Variants in ALK observed in about 807,000 individuals in gnomAD.
ALK encodes the protein ALK tyrosine kinase receptor.
A neutral mutation model predicts 163.1 loss-of-function variants in ALK; 74 were observed. The observed-to-expected ratio is 0.45, with a 90% CI of 0.38 to 0.55. ALK has a LOEUF of 0.55. ALK is among the 20% of genes least tolerant of loss of function. The pLI is 0.00. For synonymous variants in ALK, 960 were observed against 843.2 expected (o/e 1.14, Z -2.40); for missense variants, 2,063 against 2,105.3 (o/e 0.98, Z 0.39).
chr2:29,479,165 T>G (rs1311412074), intron 4 of ALK, among the ~76,000 whole-genome samples: 1 of 152,012 alleles, frequency 6.6e-6, no homozygotes, highest in Non-Finnish European at 1.5e-5. Context: ...TCCCTGAACA[T>G]CTCCCATCTC....
chr2:29,223,413 G>A lies in ALK; in HGVS notation c.3288C>T (p.Tyr1096=), dbSNP rs1361786352. ...STIMTDYNPN[Y]CFAGKTSSIS... is the part of the protein sequence containing the mutation. ...TGGAGGAGGTCTTGCCAGCAAAGCA[G>A]TAGTTGGGGTTGTAGTCGGTCATGA... The change falls in exon 20 of 29, where the codon TAC becomes TAT. Residue 1096 remains tyrosine, a synonymous_variant. Transcript: ENST00000389048. 1.2e-6 allele frequency: 2 copies of A among 1,614,220 alleles called. No homozygotes were observed. The highest frequency in any genetic ancestry group is 1.7e-6 in the Non-Finnish European group (2 of 1,180,050).
intron 3 of ALK, among the ~76,000 whole-genome samples, chr2:29,622,064 T>C (rs549286002): frequency 4.0e-4 from 61 of 152,290 alleles, no homozygotes; most frequent in African/African-American, 1.2e-3. Context: ...TGCTGCTAGT[T>C]TACAGGTTAG....
intron 3 of ALK, among the ~76,000 whole-genome samples, chr2:29,628,281 C>T (rs1188466816): frequency 6.6e-6 from 1 of 152,180 alleles, no homozygotes; most frequent in East Asian, 1.9e-4. Context: ...CTTACATCCT[C>T]CCACAAAACC....
chr2:29,709,898 C>A (rs141685030), intron 2 of ALK, among the ~76,000 whole-genome samples: 1 of 152,202 alleles, frequency 6.6e-6, no homozygotes, highest in African/African-American at 2.4e-5. Flanking sequence ...GGGTATCACA[C>A]ATGCATACAA....
intron 1 of ALK, among the ~76,000 whole-genome samples, chr2:29,864,726 GA>G (rs1355592006): frequency 2.0e-5 from 3 of 152,164 alleles, no homozygotes; most frequent in African/African-American, 7.2e-5. Flanking sequence ...TAAATCTATT[GA>G]ATGGGAGAAA....
At chr2:29,810,282 T>G in intron 1 of ALK, among the ~76,000 whole-genome samples, 1 of 151,022 alleles carries the variant, frequency 6.6e-6, no homozygotes, top group East Asian at 1.9e-4. Context: ...ATCAGCCGAG[T>G]GTGGTGGTGG....
chr2:29,438,832 G>A (rs1670466395), intron 4 of ALK, among the ~76,000 whole-genome samples: 1 of 152,226 alleles, frequency 6.6e-6, no homozygotes, highest in South Asian at 2.1e-4. Context: ...GGTCAATGGA[G>A]TAGGTTACAA....
intron 8 of ALK, among the ~76,000 whole-genome samples, chr2:29,298,408 C>A (rs1364014266): frequency 6.6e-6 from 1 of 152,200 alleles, no homozygotes; most frequent in Non-Finnish European, 1.5e-5. Flanking sequence ...TAACTGTAAA[C>A]CCTTTCAGCT....
intron 3 of ALK, among the ~76,000 whole-genome samples, chr2:29,615,600 A>G (rs1675820563): frequency 6.6e-6 from 1 of 152,174 alleles, no homozygotes; most frequent in Non-Finnish European, 1.5e-5. Flanking sequence ...TACTGTTGTT[A>G]TCAATACTAT....
chr2:29,729,461 T>G lies in ALK; in HGVS notation c.668-11764A>C, dbSNP rs537518313. 4.0e-5 allele frequency among the ~76,000 whole-genome samples: 6 copies of G among 151,264 alleles called. No homozygotes were observed. The South Asian group carries it at 1.3e-3, about 32-fold the overall frequency. Reference sequence around the variant, plus strand: ...GGAAAGAGAAATCATCTGACATTTTTTCACTATCTGGAAGTTACTGGGAGA... The same window carrying G: ...GGAAAGAGAAATCATCTGACATTTTGTCACTATCTGGAAGTTACTGGGAGA... On this transcript the variant is annotated intron_variant, in intron 1 of 28. Coordinates refer to ENST00000389048, the MANE Select transcript of ALK (RefSeq NM_004304.5).
In ALK at chr2:29,193,934, G is replaced by A. The variant is rs757342767; in HGVS notation, c.4165-12C>T. 3 of 1,613,352 alleles carry A rather than the reference G, an allele frequency of 1.9e-6. No homozygotes were observed. The highest frequency in any genetic ancestry group is 4.5e-5 in the East Asian group (2 of 44,886). On this transcript the variant is annotated splice_polypyrimidine_tract_variant and intron_variant, in intron 28 of 28. Coordinates refer to ENST00000389048, the MANE Select transcript of ALK (RefSeq NM_004304.5). Reference sequence around the variant, plus strand: ...ATTACATCCGGGTCCTGCCGTAGGGGAAATTATTAAAACTTTGAATCAGAG... The same window carrying A: ...ATTACATCCGGGTCCTGCCGTAGGGAAAATTATTAAAACTTTGAATCAGAG...
Position 29,476,019 on chromosome 2 carries a change from T to G in ALK, c.1154+55896A>C, listed in dbSNP as rs536473642. On this transcript the variant is annotated intron_variant, in intron 4 of 28. Transcript: ENST00000389048. Reference sequence around the variant, plus strand: ...GGGGCAGGGACAGTGGGGCAGAGACTCAGGCCAGGGAGCAGCCTGCTCCTC... The same window carrying G: ...GGGGCAGGGACAGTGGGGCAGAGACGCAGGCCAGGGAGCAGCCTGCTCCTC... Among the ~76,000 whole-genome samples the G allele has an allele frequency of 4.6e-5, 7 of 152,292 alleles. No individual in the cohort carries two copies. The East Asian group carries it at 1.4e-3, about 29-fold the overall frequency.
intron 5 of ALK, among the ~76,000 whole-genome samples, chr2:29,330,272 G>A (rs112709104): frequency 0.012 from 1,859 of 152,232 alleles, 32 homozygotes; most frequent in African/African-American, 0.042. Context: ...CCCAGAGGGC[G>A]ATGAACATGG....
At chr2:29,589,866 C>T (rs901230823) in intron 3 of ALK, among the ~76,000 whole-genome samples, 2 of 152,208 alleles carry the variant, frequency 1.3e-5, no homozygotes, top group Admixed American at 1.3e-4. Context: ...GTGGGTATCC[C>T]TGTGCCAGGT....
intron 9 of ALK, among the ~76,000 whole-genome samples, chr2:29,287,397 C>T (rs915369321): frequency 4.6e-5 from 7 of 152,192 alleles, no homozygotes; most frequent in East Asian, 3.9e-4. Flanking sequence ...TGCCTAACAT[C>T]TAATGACCAA....
intron 6 of ALK, among the ~76,000 whole-genome samples, chr2:29,326,521 G>A (rs1034945036): frequency 6.6e-6 from 1 of 151,960 alleles, no homozygotes; most frequent in African/African-American, 2.4e-5. Context: ...ACACACACAG[G>A]CCCCTGAACA....
At chr2:29,234,075 C>T (rs1664302517) in intron 13 of ALK, among the ~76,000 whole-genome samples, 1 of 151,814 alleles carries the variant, frequency 6.6e-6, no homozygotes, top group Admixed American at 6.6e-5. Flanking sequence ...GGCATGAGCC[C>T]AGAGGGAAGT....
In ALK at chr2:29,354,768, T is replaced by C. The variant is rs1353053775; in HGVS notation, c.1283-26287A>G. 5.7e-5 allele frequency among the ~76,000 whole-genome samples: 7 copies of C among 122,042 alleles called. No homozygotes were observed. The East Asian group carries it at 6.1e-4, about 11-fold the overall frequency. The allele number at this position is 122,042 out of a possible 152,430, so 80.1% of individuals were successfully genotyped here. A position where few individuals can be genotyped will look rare whatever the true frequency, so the allele number is the denominator to read the frequency against. On this transcript the variant is annotated intron_variant, in intron 5 of 28. Coordinates refer to ENST00000389048, the MANE Select transcript of ALK (RefSeq NM_004304.5). ...TACCACATGCCCACTTTTCTTTTTC[T>C]TTTTTTTTTTTTTTTTGAGATGGAG... is the stretch of plus-strand genomic sequence containing the variant.
intron 4 of ALK, among the ~76,000 whole-genome samples, chr2:29,523,078 A>T (rs1269239901): frequency 6.6e-6 from 1 of 152,122 alleles, no homozygotes; most frequent in South Asian, 2.1e-4. Context: ...GGCCACAAAC[A>T]CATGAAAGTG....
Sources: gnomAD v4.1 joint callset for allele counts (sites outside exome capture counted in the v4.1 genomes callset) on GRCh38, gnomAD v4.1.1 for gene constraint, MANE v1.5 for transcripts, NCBI Gene and HGNC (gene_info 2026-07-23, HGNC 2026-07-21) for gene names.